The following BSN variants were observed in gnomAD, a reference collection of about 807,000 sequenced individuals.
BSN encodes bassoon presynaptic cytomatrix protein, also known as protein bassoon.
BSN carries 57 observed loss-of-function variants against 264.8 expected under a neutral mutation model. The ratio of observed to expected loss-of-function variants is 0.22; its 90% confidence interval spans 0.17 to 0.27. The LOEUF (loss-of-function observed/expected upper bound fraction) is 0.27. BSN is among the 10% of genes least tolerant of loss of function. The pLI is 1.00. For synonymous variants in BSN, 2,059 were observed against 2,137.3 expected (o/e 0.96, Z 1.01); for missense variants, 4,615 against 5,232.5 (o/e 0.88, Z 3.64).
chr3:49,610,105 C>T (rs1398609379), intron 1 of BSN, among the ~76,000 whole-genome samples: 1 of 152,192 alleles, frequency 6.6e-6, no homozygotes, highest in Non-Finnish European at 1.5e-5. Flanking sequence ...CCATGGCTTC[C>T]TCCAGGGTTT....
chr3:49,627,595 C>T (rs1030114808), intron 2 of BSN, among the ~76,000 whole-genome samples: 7 of 152,160 alleles, frequency 4.6e-5, no homozygotes, highest in African/African-American at 1.7e-4. Flanking sequence ...CTGTCCTAGT[C>T]AGACTACATC....
At chr3:49,595,712 G>A (rs762013975) in intron 1 of BSN, among the ~76,000 whole-genome samples, 1 of 152,142 alleles carries the variant, frequency 6.6e-6, no homozygotes, top group Non-Finnish European at 1.5e-5. Context: ...ATTATTGTAA[G>A]TGGTGTTACA....
At chr3:49,641,274 A>G (rs1257885045) in intron 2 of BSN, among the ~76,000 whole-genome samples, 1 of 152,220 alleles carries the variant, frequency 6.6e-6, no homozygotes, top group African/African-American at 2.4e-5. Flanking sequence ...CCTACCATCT[A>G]TGGACATCAT....
In BSN at chr3:49,585,387, C is replaced by T. The variant is rs1329553264; in HGVS notation, c.224+30561C>T. On this transcript the variant is annotated intron_variant, in intron 1 of 11. Transcript: ENST00000296452. The surrounding 1 kb of genome is among the most constrained non-coding windows in gnomAD (Gnocchi z 4.7). Reference sequence around the variant, plus strand: ...TAATTATTTCCTCTCGGAACTCCTCCCCTCGTGCTTCTTCCTCTGGTGAGG... The same window carrying T: ...TAATTATTTCCTCTCGGAACTCCTCTCCTCGTGCTTCTTCCTCTGGTGAGG... 1.3e-5 allele frequency among the ~76,000 whole-genome samples: 2 copies of T among 152,162 alleles called. No individual in the cohort carries two copies. The highest frequency in any genetic ancestry group is 2.4e-5 in the African/African-American group (1 of 41,426).
At chr3:49,591,412 T>C (rs1252774960) in intron 1 of BSN, among the ~76,000 whole-genome samples, 1 of 152,236 alleles carries the variant, frequency 6.6e-6, no homozygotes, top group East Asian at 1.9e-4. Context: ...ACCAGCACTC[T>C]TTGTCTTTTT....
At position 49,625,385 on chromosome 3, in the gene BSN, TA is replaced by T. The variant is rs759482077; in HGVS notation, c.633+4del. ...AACCCCAACCCTCATCTCACCCAGG[TA>T]ACCACTTCTGCGCCGGCTCCCCACT... On this transcript the variant is annotated splice_donor_region_variant and intron_variant, in intron 2 of 11. Coordinates refer to ENST00000296452, the MANE Select transcript of BSN (RefSeq NM_003458.4). This position sits in a 1 kb window ranked among gnomAD's most constrained non-coding sequence, Gnocchi z 4.4. 4 of 1,475,856 alleles carry T rather than the reference TA, an allele frequency of 2.7e-6. No individual in the cohort carries two copies. Among genetic ancestry groups the T allele is most frequent in the Non-Finnish European group, 3.6e-6 (4 of 1,112,710 alleles). The allele number at this position is 1,475,856 out of a possible 1,614,324, so 91.4% of individuals were successfully genotyped here.
At chr3:49,637,167 G>C (rs1338517573) in intron 2 of BSN, among the ~76,000 whole-genome samples, 1 of 152,240 alleles carries the variant, frequency 6.6e-6, no homozygotes, top group African/African-American at 2.4e-5. Context: ...CTGAATGCCT[G>C]CTCTCCCTGG....
chr3:49,654,228 G>T lies in BSN; in HGVS notation c.4672G>T (p.Val1558Phe). ...GTCCTCTCAAGAGGCTCCCTTTATGGTCATCACGCTGGCATCTGACGCCTC... is the reference window on the plus strand; with the variant it reads ...GTCCTCTCAAGAGGCTCCCTTTATGTTCATCACGCTGGCATCTGACGCCTC... ...QESSQEAPFM[V>F]ITLASDASSQ... Residue 1558 changes from valine (V) to phenylalanine (F), a missense_variant, in exon 5 of 12, where the codon GTC (valine) becomes TTC (phenylalanine). Coordinates refer to ENST00000296452, the MANE Select transcript of BSN (RefSeq NM_003458.4). The surrounding 1 kb of genome is among the most constrained non-coding windows in gnomAD (Gnocchi z 4.1). 3.7e-6 allele frequency: 6 copies of T among 1,613,640 alleles called. No individual in the cohort carries two copies. Among genetic ancestry groups the T allele is most frequent in the Non-Finnish European group, 5.1e-6 (6 of 1,179,856 alleles).
At position 49,655,204 on chromosome 3, in the gene BSN, C is replaced by T. The variant is rs754747490; in HGVS notation, c.5648C>T (p.Pro1883Leu). 2 of 1,612,992 alleles carry T rather than the reference C, an allele frequency of 1.2e-6. No homozygotes were observed. Among genetic ancestry groups the T allele is most frequent in the South Asian group, 2.2e-5 (2 of 91,084 alleles). ...GTGACCACACTGCTCCCAGAGGAGC[C>T]TGCGGGTGCCCTGGACCTTACCGGG... ...GTVTTLLPEEPAGALDLTGMR... is the reference protein window; with the variant it reads ...GTVTTLLPEELAGALDLTGMR... The change falls in exon 5 of 12, where the codon CCT (proline) becomes CTT (leucine). Residue 1883 changes from proline to leucine, a missense_variant. Transcript: ENST00000296452.
In BSN at chr3:49,635,225, A is replaced by G. The variant is rs560830781; in HGVS notation, c.634-7043A>G. 1.1e-4 allele frequency among the ~76,000 whole-genome samples: 17 copies of G among 152,334 alleles called. No individual in the cohort carries two copies. In the South Asian group the frequency reaches 2.1e-3, roughly 19 times the overall value. On this transcript the variant is annotated intron_variant, in intron 2 of 11. Coordinates refer to ENST00000296452, the MANE Select transcript of BSN (RefSeq NM_003458.4). ...TATTCACAAGCATATAGTGACATTT[A>G]AAGTGCCATAGGAGAGATGTGGACA...
In BSN at chr3:49,660,034, G is replaced by A. The variant is rs927369708; in HGVS notation, c.8641-452G>A. ...CCTCTAGGGAGCCTGGCGGGCCCAGGACCCTCTCCACTCCATGCCTCCTGT... is the reference window on the plus strand; with the variant it reads ...CCTCTAGGGAGCCTGGCGGGCCCAGAACCCTCTCCACTCCATGCCTCCTGT... On this transcript the variant is annotated intron_variant, in intron 5 of 11. Transcript: ENST00000296452. This position sits in a 1 kb window ranked among gnomAD's most constrained non-coding sequence, Gnocchi z 7.1. Among the ~76,000 whole-genome samples, 1 of 152,124 alleles carries A rather than the reference G, an allele frequency of 6.6e-6. No homozygotes were observed. The highest frequency in any genetic ancestry group is 6.5e-5 in the Admixed American group (1 of 15,274).
intron 1 of BSN, among the ~76,000 whole-genome samples, chr3:49,603,307 G>A (rs2052086484): frequency 6.6e-6 from 1 of 152,202 alleles, no homozygotes; most frequent in Non-Finnish European, 1.5e-5. Flanking sequence ...CCTGGCTACT[G>A]TGGAACCTAG....
Position 49,651,764 on chromosome 3 carries a change from G to A in BSN, c.2208G>A (p.Gln736=). ...KVGSSMRPLL[Q]AQGLAPSERS... is the part of the protein sequence containing the mutation. The stretch of plus-strand genomic sequence containing the variant: ...GGAGCAGCATGCGGCCTTTGCTGCA[G>A]GCCCAGGGCCTGGCCCCAAGTGAGC... Residue 736 remains glutamine, a synonymous_variant, in exon 5 of 12, where the codon CAG becomes CAA. Transcript: ENST00000296452. The surrounding 1 kb of genome is among the most constrained non-coding windows in gnomAD (Gnocchi z 5.4). 1.2e-6 allele frequency: 2 copies of A among 1,613,440 alleles called. No homozygotes were observed. Among genetic ancestry groups the A allele is most frequent in the Non-Finnish European group, 1.7e-6 (2 of 1,179,950 alleles).
chr3:49,602,242 C>T (rs969765616), intron 1 of BSN, among the ~76,000 whole-genome samples: 2 of 152,168 alleles, frequency 1.3e-5, no homozygotes, highest in Non-Finnish European at 2.9e-5. Flanking sequence ...TGCTCTGATG[C>T]TCTCCTCTGT....
At chr3:49,617,283 TTATATATATATATATATA>T (rs6147817) in intron 1 of BSN, among the ~76,000 whole-genome samples, 2,568 of 122,050 alleles carry the variant, frequency 0.021, 42 homozygotes, top group Non-Finnish European at 0.029. Context: ...ATAAAATACA[TTATATATATATATATATA>T]TATATATATA....
intron 5 of BSN, 85 bp downstream of exon 5, chr3:49,658,281 G>T (rs2052628256): frequency 1.4e-6 from 2 of 1,445,080 alleles, no homozygotes; most frequent in South Asian, 2.9e-5. Flanking sequence ...TTCTTCTGGG[G>T]TGGGAGTAGA....
At chr3:49,575,844 CTAGGATCTTTTTAGAAGATTA>C (rs1256954592) in intron 1 of BSN, among the ~76,000 whole-genome samples, 2 of 151,700 alleles carry the variant, frequency 1.3e-5, no homozygotes, top group Non-Finnish European at 2.9e-5. Flanking sequence ...GGGCATATTT[CTAGGATCTTTTTAGAAGATTA>C]TAGGATCTTT....
chr3:49,574,528 G>A (rs1169056161), intron 1 of BSN, among the ~76,000 whole-genome samples: 1 of 151,988 alleles, frequency 6.6e-6, no homozygotes, highest in Non-Finnish European at 1.5e-5. Flanking sequence ...CTGCCTCCTG[G>A]GTTCAAGCGA....
intron 1 of BSN, among the ~76,000 whole-genome samples, chr3:49,590,548 G>A (rs922722153): frequency 2.0e-5 from 3 of 151,782 alleles, no homozygotes; most frequent in South Asian, 2.1e-4. Flanking sequence ...GTGCCTAGTG[G>A]TTGCTTTAGG....
Sources: allele counts gnomAD v4.1 joint callset (sites outside exome capture counted in the v4.1 genomes callset), GRCh38; gene constraint gnomAD v4.1.1; non-coding constraint Gnocchi (gnomAD v3.1); transcripts MANE v1.5; gene names NCBI Gene and HGNC (gene_info 2026-07-23, HGNC 2026-07-21).